The following RIT2 variants were observed in gnomAD, a reference collection of about 807,000 sequenced individuals.
RIT2 encodes the protein GTP-binding protein Rit2.
Under a neutral mutation model 23.7 loss-of-function variants are expected in RIT2, and 24 were observed. The observed-to-expected ratio is 1.01, with a 90% CI of 0.73 to 1.43. RIT2 has a LOEUF of 1.43. Among genes scored for constraint, RIT2 ranks in the 40% most tolerant of loss-of-function variants. The pLI, the probability that RIT2 is intolerant of heterozygous loss-of-function variation, is 0.00. For missense variants in RIT2, 236 were observed against 266.9 expected, an observed-to-expected ratio of 0.88 and a Z score of 0.81; for synonymous variants, 107 against 91.1, an observed-to-expected ratio of 1.17 and a Z score of -0.99.
chr18:43,105,502 G>GAGGAAGGAAGGAAGAA (rs1336223919), intron 1 of RIT2, among the ~76,000 whole-genome samples: 4 of 57,494 alleles, frequency 7.0e-5, no homozygotes, highest in Admixed American at 2.2e-4. Context: ...GGAAGAAAGG[G>GAGGAAGGAAGGAAGAA]AGGGAGGGAG....
At chr18:42,978,781 A>T (rs1167911514) in intron 2 of RIT2, among the ~76,000 whole-genome samples, 1 of 152,148 alleles carries the variant, frequency 6.6e-6, no homozygotes. Context: ...GCAGAATTGC[A>T]TAAGAAGAAA....
At chr18:42,862,337 C>T (rs1169410330) in intron 4 of RIT2, among the ~76,000 whole-genome samples, 4 of 152,142 alleles carry the variant, frequency 2.6e-5, no homozygotes, top group African/African-American at 9.7e-5. Flanking sequence ...TTGTAAGTTT[C>T]CTGAGGCCTC....
intron 1 of RIT2, among the ~76,000 whole-genome samples, chr18:43,098,368 T>C (rs1412007818): frequency 6.6e-6 from 1 of 151,852 alleles, no homozygotes; most frequent in Non-Finnish European, 1.5e-5. Flanking sequence ...AGAAAATCAT[T>C]AGCAAAAGCA....
chr18:42,970,757 C>T (rs536422750), intron 3 of RIT2, among the ~76,000 whole-genome samples: 22 of 152,058 alleles, frequency 1.4e-4, no homozygotes, highest in Admixed American at 9.2e-4. Context: ...AATCACACTT[C>T]GCACTATTGT....
At chr18:42,747,343 A>G (rs1912941854) in intron 4 of RIT2, among the ~76,000 whole-genome samples, 2 of 152,064 alleles carry the variant, frequency 1.3e-5, no homozygotes, top group Admixed American at 1.3e-4. Context: ...TACCAAACCA[A>G]GGAAGTGAAA....
At chr18:43,024,501 T>C (rs949966728) in intron 2 of RIT2, among the ~76,000 whole-genome samples, 1 of 152,016 alleles carries the variant, frequency 6.6e-6, no homozygotes, top group African/African-American at 2.4e-5. Flanking sequence ...ACATTAGCCT[T>C]GGCAAGTAAT....
intron 4 of RIT2, among the ~76,000 whole-genome samples, chr18:42,912,795 CAT>C (rs1908804875): frequency 6.6e-6 from 1 of 151,814 alleles, no homozygotes; most frequent in African/African-American, 2.4e-5. Flanking sequence ...CTTGGAAAAA[CAT>C]ATTCATGGAT....
intron 4 of RIT2, among the ~76,000 whole-genome samples, chr18:42,822,198 T>G (rs1354070627): frequency 6.6e-6 from 1 of 152,172 alleles, no homozygotes; most frequent in Non-Finnish European, 1.5e-5. Context: ...TGTTTGAAAC[T>G]GTTTTATTTT....
intron 4 of RIT2, among the ~76,000 whole-genome samples, chr18:42,844,586 G>C (rs183794611): frequency 6.6e-6 from 1 of 151,988 alleles, no homozygotes; most frequent in East Asian, 1.9e-4. Context: ...AAGTCAGGAT[G>C]CCTCTCTGAA....
chr18:42,958,439 T>C (rs1910022762), intron 3 of RIT2, among the ~76,000 whole-genome samples: 1 of 152,114 alleles, frequency 6.6e-6, no homozygotes, highest in Admixed American at 6.6e-5. Context: ...TTCTGATTAG[T>C]ATAGAAGCTT....
chr18:42,907,739 G>A (rs1336419154), intron 4 of RIT2, among the ~76,000 whole-genome samples: 2 of 117,864 alleles, frequency 1.7e-5, no homozygotes, highest in Non-Finnish European at 4.5e-5. Context: ...CCAGTGCTTT[G>A]GGAGGCCAAG....
intron 4 of RIT2, among the ~76,000 whole-genome samples, chr18:42,904,406 T>A (rs2032341): frequency 6.6e-6 from 1 of 152,106 alleles, no homozygotes; most frequent in East Asian, 1.9e-4. Context: ...GTATTAGTCC[T>A]AAGCTACTGG....
At chr18:42,958,274 T>C (rs973064736) in intron 3 of RIT2, among the ~76,000 whole-genome samples, 4 of 152,186 alleles carry the variant, frequency 2.6e-5, no homozygotes, top group South Asian at 2.1e-4. Flanking sequence ...TTATCTATTG[T>C]TCTGTATAAA....
chr18:42,808,123 G>C (rs1905736079), intron 4 of RIT2, among the ~76,000 whole-genome samples: 1 of 152,162 alleles, frequency 6.6e-6, no homozygotes, highest in South Asian at 2.1e-4. Context: ...ATCTTTCAAG[G>C]TTGTTTTGCT....
chr18:42,748,426 AAAAC>A (rs1253301217), intron 4 of RIT2, among the ~76,000 whole-genome samples: 1 of 151,946 alleles, frequency 6.6e-6, no homozygotes, highest in Admixed American at 6.6e-5. Flanking sequence ...TTATCAAAAA[AAAAC>A]AAACAATAAT....
intron 4 of RIT2, among the ~76,000 whole-genome samples, chr18:42,886,910 A>C (rs553296906): frequency 1.3e-5 from 2 of 152,266 alleles, no homozygotes; most frequent in Admixed American, 1.3e-4. Context: ...GCAAGACCAC[A>C]ATGCTACTTT....
chr18:42,983,407 A>G (rs1012625455), intron 2 of RIT2, among the ~76,000 whole-genome samples: 1 of 151,736 alleles, frequency 6.6e-6, no homozygotes, highest in African/African-American at 2.4e-5. Context: ...TACAAGTTTT[A>G]GAAAAAAAAA....
rs1261769567 is a variant in RIT2, at chr18:42,755,523, T to TA, written c.427-11804dup. Among the ~76,000 whole-genome samples the TA allele has an allele frequency of 7.2e-5, 11 of 152,272 alleles. No individual in the cohort carries two copies. In the East Asian group the frequency reaches 1.9e-3, roughly 27 times the overall value. On this transcript the variant is annotated intron_variant, in intron 4 of 4. Coordinates refer to ENST00000326695, the MANE Select transcript of RIT2 (RefSeq NM_002930.4). ...CACATCCCCACTAATGCCATCCCAT[T>TA]ACTCTTATTTTGTTGATAGGAAGGG...
At chr18:43,015,903 C>T (rs923952414) in intron 2 of RIT2, among the ~76,000 whole-genome samples, 9 of 151,782 alleles carry the variant, frequency 5.9e-5, no homozygotes, top group African/African-American at 2.2e-4. Context: ...AAAAACACCA[C>T]TCACGTGCTG....
Sources: gnomAD v4.1 joint callset for allele counts (sites outside exome capture counted in the v4.1 genomes callset) on GRCh38, gnomAD v4.1.1 for gene constraint, MANE v1.5 for transcripts, NCBI Gene and HGNC (gene_info 2026-07-23, HGNC 2026-07-21) for gene names.